Variants in STXBP5L observed in about 807,000 individuals in gnomAD.
STXBP5L encodes the protein syntaxin binding protein 5L, also known as syntaxin-binding protein 5-like.
A neutral mutation model predicts 144.5 loss-of-function variants in STXBP5L; 65 were observed. The ratio of observed to expected loss-of-function variants is 0.45; its 90% CI spans 0.37 to 0.55. STXBP5L has a LOEUF of 0.55. Among genes scored for constraint, STXBP5L ranks in the 20% least tolerant of loss-of-function variants. The probability of loss-of-function intolerance (pLI) is 0.00; values close to 1 mark genes in which losing one functional copy is unlikely to be tolerated. For synonymous variants in STXBP5L, 505 were observed against 469.6 expected, an observed-to-expected ratio of 1.08 and a Z score of -0.97; for missense variants, 1,298 against 1,405.5, an observed-to-expected ratio of 0.92 and a Z score of 1.22.
intron 19 of STXBP5L, among the ~76,000 whole-genome samples, chr3:121,312,113 A>G (rs1345791536): frequency 1.3e-5 from 2 of 152,200 alleles, no homozygotes; most frequent in Admixed American, 1.3e-4. Context: ...TATTTAATAA[A>G]TGATGCTGGG....
intron 3 of STXBP5L, among the ~76,000 whole-genome samples, chr3:121,003,214 C>T (rs949264676): frequency 3.3e-5 from 5 of 152,178 alleles, no homozygotes; most frequent in African/African-American, 1.2e-4. Flanking sequence ...CTCTCCAGCA[C>T]CTGTTGTTTC....
chr3:121,136,222 G>C (rs2045251260), intron 7 of STXBP5L, among the ~76,000 whole-genome samples: 1 of 152,144 alleles, frequency 6.6e-6, no homozygotes, highest in African/African-American at 2.4e-5. Flanking sequence ...ACTTGGCGAA[G>C]GAAAGGAAAG....
At chr3:121,121,807 C>A (rs972479429) in intron 7 of STXBP5L, 103 bp downstream of exon 7, 3 of 637,262 alleles carry the variant, frequency 4.7e-6, no homozygotes, top group South Asian at 2.9e-5. Flanking sequence ...CAGTTGATAG[C>A]ATTTTATATT....
intron 5 of STXBP5L, among the ~76,000 whole-genome samples, chr3:121,072,228 G>A (rs550754135): frequency 2.0e-5 from 3 of 152,202 alleles, no homozygotes; most frequent in African/African-American, 4.8e-5. Context: ...CTGAGAAAGT[G>A]CAGACAAACA....
At chr3:121,252,382 A>AAATG (rs1343193219) in intron 15 of STXBP5L, among the ~76,000 whole-genome samples, 3 of 40,510 alleles carry the variant, frequency 7.4e-5, no homozygotes, top group Non-Finnish European at 1.9e-4. Flanking sequence ...GAAAAATAAC[A>AAATG]AATAAATAAA....
At chr3:121,109,765 A>T (rs1323239038) in intron 5 of STXBP5L, among the ~76,000 whole-genome samples, 1 of 152,140 alleles carries the variant, frequency 6.6e-6, no homozygotes, top group Non-Finnish European at 1.5e-5. Flanking sequence ...AGTCCTGAAG[A>T]TTCTTATCAA....
At chr3:120,968,406 A>G (rs567805967) in intron 3 of STXBP5L, among the ~76,000 whole-genome samples, 2 of 152,238 alleles carry the variant, frequency 1.3e-5, no homozygotes, top group Non-Finnish European at 2.9e-5. Flanking sequence ...TTTGTCTGAT[A>G]TAAGTATAGC....
intron 5 of STXBP5L, among the ~76,000 whole-genome samples, chr3:121,107,589 G>T (rs530953697): frequency 6.6e-6 from 1 of 152,198 alleles, no homozygotes; most frequent in East Asian, 1.9e-4. Context: ...TTTGGTACCA[G>T]TACCGTGCTG....
chr3:120,974,615 C>A (rs916867608), intron 3 of STXBP5L, among the ~76,000 whole-genome samples: 2 of 152,216 alleles, frequency 1.3e-5, no homozygotes, highest in Non-Finnish European at 2.9e-5. Flanking sequence ...GAAGTCCTTG[C>A]ACATGCCTAT....
At chr3:121,103,479 C>G (rs933761346) in intron 5 of STXBP5L, among the ~76,000 whole-genome samples, 3 of 151,990 alleles carry the variant, frequency 2.0e-5, no homozygotes, top group African/African-American at 7.2e-5. Context: ...TACATCGGAG[C>G]TAAACATTGG....
intron 2 of STXBP5L, among the ~76,000 whole-genome samples, chr3:120,929,801 A>G (rs972006417): frequency 1.3e-5 from 2 of 152,090 alleles, no homozygotes; most frequent in Non-Finnish European, 2.9e-5. Flanking sequence ...TAAATGAAAA[A>G]TACACTTTTG....
At chr3:121,185,777 G>C (rs2047353847) in intron 9 of STXBP5L, among the ~76,000 whole-genome samples, 1 of 152,054 alleles carries the variant, frequency 6.6e-6, no homozygotes, top group Non-Finnish European at 1.5e-5. Context: ...TCTTGGCAAT[G>C]TGGGCCCTTT....
chr3:121,058,337 G>T (rs1301515579), intron 5 of STXBP5L, among the ~76,000 whole-genome samples: 1 of 152,180 alleles, frequency 6.6e-6, no homozygotes, highest in Non-Finnish European at 1.5e-5. Context: ...AGGAGTCCAT[G>T]GTGTACATGT....
chr3:121,311,048 C>T (rs936540939), intron 19 of STXBP5L, among the ~76,000 whole-genome samples: 1 of 152,086 alleles, frequency 6.6e-6, no homozygotes, highest in Non-Finnish European at 1.5e-5. Context: ...CAAATATAAG[C>T]AGTCCAACAT....
At chr3:121,111,796 T>C (rs1232040836) in intron 5 of STXBP5L, among the ~76,000 whole-genome samples, 1 of 152,184 alleles carries the variant, frequency 6.6e-6, no homozygotes, top group African/African-American at 2.4e-5. Flanking sequence ...CATCTGCACT[T>C]CCCAGGTTCT....
rs981104802 is a variant in STXBP5L at position 121,157,600 on chromosome 3, C to T, written c.850C>T (p.Arg284Cys). The T allele has an allele frequency of 1.0e-5, 16 of 1,602,756 alleles. No individual in the cohort carries two copies. Among genetic ancestry groups the T allele is most frequent in the Admixed American group, 1.7e-5 (1 of 58,024 alleles). The change falls in exon 9 of 27, where the codon CGC becomes TGC. Residue 284 changes from arginine to cysteine, a missense_variant. Arg to Cys is a radical substitution (Grantham distance 180). Coordinates refer to ENST00000471454, the MANE Select transcript of STXBP5L (RefSeq NM_001308330.2). ...TTTATGGAACCTGAAAAGCCCAAGT[C>T]GCCCTTTCCAGACCACAATTCCACA... ...LTLWNLKSPS[R>C]PFQTTIPHGK... is the part of the protein sequence containing the mutation.
intron 19 of STXBP5L, among the ~76,000 whole-genome samples, chr3:121,306,861 T>C (rs1402683543): frequency 6.6e-6 from 1 of 152,062 alleles, no homozygotes; most frequent in Admixed American, 6.6e-5. Context: ...CAGGGTACTG[T>C]CAAAAATAAT....
At position 120,953,622 on chromosome 3, in the gene STXBP5L, G is replaced by A. The variant is rs76351985; in HGVS notation, c.190-1318G>A. 8.5e-3 allele frequency among the ~76,000 whole-genome samples: 1,284 copies of A among 151,832 alleles called. 15 individuals are homozygous for A. The highest frequency in any genetic ancestry group is 0.029 in the African/African-American group (1,208 of 41,414). ...CAAAGTGCTGATATTACAGACATGGGCCACTGTGCCTAGCCCACAATTGAG... is the reference window on the plus strand; with the variant it reads ...CAAAGTGCTGATATTACAGACATGGACCACTGTGCCTAGCCCACAATTGAG... On this transcript the variant is annotated intron_variant, in intron 2 of 26. Coordinates refer to ENST00000471454, the MANE Select transcript of STXBP5L (RefSeq NM_001308330.2).
Position 121,065,486 on chromosome 3 carries a change from A to G in STXBP5L, c.470+19951A>G, listed in dbSNP as rs557444070. 3.4e-4 allele frequency among the ~76,000 whole-genome samples: 52 copies of G among 152,338 alleles called. 1 individual carries two copies. Among genetic ancestry groups the G allele is most frequent in the South Asian group, 1.9e-3 (9 of 4,824 alleles). ...TCTATTGCTATATAACAATGTTACC[A>G]TAAACTTAGTGACTTAACACACATT... On this transcript the variant is annotated intron_variant, in intron 5 of 26. Coordinates refer to ENST00000471454, the MANE Select transcript of STXBP5L (RefSeq NM_001308330.2).
Sources: allele counts gnomAD v4.1 joint callset (sites outside exome capture counted in the v4.1 genomes callset), GRCh38; gene constraint gnomAD v4.1.1; transcripts MANE v1.5; gene names NCBI Gene and HGNC (gene_info 2026-07-23, HGNC 2026-07-21).